Variants in KLK4 observed in about 807,000 individuals in gnomAD.
KLK4 encodes the protein kallikrein-4.
A neutral mutation model predicts 24.3 loss-of-function variants in KLK4; 24 were observed. The ratio of observed to expected loss-of-function variants is 0.99; its 90% CI spans 0.72 to 1.39. KLK4 has a LOEUF of 1.39. Among genes scored for constraint, KLK4 ranks in the 40% most tolerant of loss-of-function variants. The probability of loss-of-function intolerance (pLI) is 0.00; values close to 1 mark genes in which losing one functional copy is unlikely to be tolerated. For missense variants in KLK4, 344 were observed against 327.4 expected, an observed-to-expected ratio of 1.05 and a Z score of -0.39; for synonymous variants, 142 against 138.8, an observed-to-expected ratio of 1.02 and a Z score of -0.16.
Position 50,908,561 on chromosome 19 carries a change from A to T in KLK4, c.475+18T>A, listed in dbSNP as rs560258008. 1.1e-5 allele frequency: 18 copies of T among 1,614,186 alleles called. No homozygotes were observed. The Admixed American group carries it at 2.7e-4, about 24-fold the overall frequency. On this transcript the variant is annotated intron_variant, in intron 4 of 5. Coordinates refer to ENST00000324041, the Ensembl canonical transcript of KLK4. ...GAGGACCTCCTTGAAGAGGGCAGACACACACCCGTGAGCTCACCGTTCGCC... is the reference window on the plus strand; with the variant it reads ...GAGGACCTCCTTGAAGAGGGCAGACTCACACCCGTGAGCTCACCGTTCGCC...
rs551480541 is a variant in KLK4, at chr19:50,908,829, G to A, written c.225C>T (p.Asn75=). 15 of 1,612,014 alleles carry A rather than the reference G, an allele frequency of 9.3e-6. No individual in the cohort carries two copies. In the South Asian group the frequency reaches 1.6e-4, roughly 18 times the overall value. ...GCAGGCCCAGCCCGATGGTGTAGGAGCTGTGGGCCACGGAGGGCAGGTCAG... is the reference window on the plus strand; with the variant it reads ...GCAGGCCCAGCCCGATGGTGTAGGAACTGTGGGCCACGGAGGGCAGGTCAG... The change falls in exon 4 of 6, where the codon AAC becomes AAT. Residue 75 remains asparagine (N), a splice_region_variant and synonymous_variant. Transcript: ENST00000324041.
At position 50,911,168 on chromosome 19, in the gene KLK4, A is replaced by G. The variant is rs188556288; in HGVS notation, c.-12+171T>C. The stretch of plus-strand genomic sequence containing the variant: ...TGGAGATATAGATTCAGAGAGACAG[A>G]GAGACCCCTAACTAGAGACAGTGAC... On this transcript the variant is annotated intron_variant, in intron 1 of 5. Coordinates refer to ENST00000324041, the Ensembl canonical transcript of KLK4. Among the ~76,000 whole-genome samples the G allele has an allele frequency of 3.0e-3, 460 of 152,328 alleles. 7 individuals are homozygous for G. The highest frequency in any genetic ancestry group is 1.5e-3 in the Non-Finnish European group (99 of 68,030).
intron 5 of KLK4, 190 bp downstream of exon 5, chr19:50,908,169 T>G: frequency 2.8e-6 from 2 of 704,442 alleles, no homozygotes; most frequent in Non-Finnish European, 4.8e-6. Flanking sequence ...CTGTTTCTGT[T>G]TCTCTCTTCC....
chr19:50,909,331 C>G (rs1053171203), exon 3 of KLK4: 14 of 1,614,106 alleles, frequency 8.7e-6, no homozygotes, highest in Admixed American at 6.7e-5. Context: ...TTTTCCATGA[C>G]CAGTGCCGCC....
chr19:50,908,416 C>G, exon 5 of KLK4: 1 of 1,614,114 alleles, frequency 6.2e-7, no homozygotes, highest in Non-Finnish European at 8.5e-7. Context: ...TGGGGTGGTA[C>G]AGCGGGTCAT....
rs1185328501 is a variant in KLK4, at chr19:50,909,306, G to T, written c.170C>A (p.Ser57Ter). 1.6e-5 allele frequency: 26 copies of T among 1,614,212 alleles called. No individual in the cohort carries two copies. Among genetic ancestry groups the T allele is most frequent in the Non-Finnish European group, 2.0e-5 (24 of 1,180,036 alleles). Residue 57 changes from serine (S) to a stop codon, truncating the protein, a stop_gained, in exon 3 of 6, where the codon TCG becomes TAG. Coordinates refer to ENST00000324041, the Ensembl canonical transcript of KLK4. LOFTEE classifies it high-confidence loss of function. ...CCACTGCGGATGCACCAGGACGCCC[G>T]AGCAGAACAATTCGTTTTCCATGAC...
intron 3 of KLK4, 81 bp downstream of exon 3, chr19:50,909,171 C>G: frequency 1.1e-5 from 17 of 1,610,036 alleles, no homozygotes; most frequent in Non-Finnish European, 1.4e-5. Flanking sequence ...CTGTTTCCCC[C>G]TGAGCACCCC....
At chr19:50,909,098 GC>G in intron 3 of KLK4, 153 bp downstream of exon 3, 3 of 1,383,734 alleles carry the variant, frequency 2.2e-6, no homozygotes, top group Non-Finnish European at 2.8e-6. Flanking sequence ...CCGCCTCCCA[GC>G]CCTTCCCTCT....
chr19:50,908,239 G>C, intron 5 of KLK4, 120 bp downstream of exon 5: 2 of 1,167,442 alleles, frequency 1.7e-6, no homozygotes, highest in Non-Finnish European at 2.5e-6. Flanking sequence ...CTCTCTAGTT[G>C]TCACTGTCTC....
chr19:50,910,777 T>A lies in KLK4; in HGVS notation c.-11-28A>T. The A allele has an allele frequency of 6.5e-7, 1 of 1,533,162 alleles. No homozygotes were observed. The highest frequency in any genetic ancestry group is 8.8e-7 in the Non-Finnish European group (1 of 1,130,134). 95.0% of individuals were successfully genotyped at this position (1,533,162 alleles called of 1,614,324 possible). ...GGGGATGAGGACTGAGACTTAGCCG[T>A]GTCTGGGGATCTTCAGCCCAAGTCT... On this transcript the variant is annotated intron_variant, in intron 1 of 5. Transcript: ENST00000324041. This position sits in a 1 kb window ranked among gnomAD's most constrained non-coding sequence, Gnocchi z 4.4.
At chr19:50,907,009 T>C in exon 6 of KLK4, 1 of 1,614,154 alleles carries the variant, frequency 6.2e-7, no homozygotes. Flanking sequence ...GCACGCCAAC[T>C]TGGCCACACG....
chr19:50,908,278 G>A (rs1192078168), intron 5 of KLK4, 81 bp downstream of exon 5: 6 of 1,538,006 alleles, frequency 3.9e-6, no homozygotes, highest in East Asian at 4.5e-5. Flanking sequence ...TCTGCATCTC[G>A]CCATGCGGCC....
rs1170298954 is a variant in KLK4 at position 50,910,938 on chromosome 19, AAGAGAGAGAGAGATGGGAAAAG to A, written c.-11-211_-11-190del. On this transcript the variant is annotated intron_variant, in intron 1 of 5. Coordinates refer to ENST00000324041, the Ensembl canonical transcript of KLK4. The surrounding 1 kb of genome is among the most constrained non-coding windows in gnomAD (Gnocchi z 4.4). ...ACAGATTTAGAGACTGAGAGAGAAA[AAGAGAGAGAGAGATGGGAAAAG>A]AGAGAGAGAGAGAGAACTAGGTAGA... Among the ~76,000 whole-genome samples the A allele has an allele frequency of 8.2e-6, 1 of 122,680 alleles. No individual in the cohort carries two copies. Among genetic ancestry groups the A allele is most frequent in the Non-Finnish European group, 1.8e-5 (1 of 56,542 alleles). 80.5% of individuals were successfully genotyped at this position (122,680 alleles called of 152,430 possible). A position where few individuals can be genotyped will look rare whatever the true frequency, so the allele number is the denominator to read the frequency against.
At chr19:50,907,553 C>A (rs1473851963) in intron 5 of KLK4, among the ~76,000 whole-genome samples, 1 of 151,958 alleles carries the variant, frequency 6.6e-6, no homozygotes, top group Non-Finnish European at 1.5e-5. Flanking sequence ...ATTACAGGCG[C>A]CTGCCACCAT....
intron 2 of KLK4, 76 bp from the exon 3 acceptor site, chr19:50,909,490 G>A: frequency 4.6e-6 from 7 of 1,511,904 alleles, no homozygotes; most frequent in Non-Finnish European, 6.4e-6. Flanking sequence ...TACCGAGCAG[G>A]GGCGTGGTCA....
At chr19:50,907,199 A>G in intron 5 of KLK4, 113 bp from the exon 6 acceptor site, 1 of 1,082,842 alleles carries the variant, frequency 9.2e-7, no homozygotes. Context: ...CATCATCAAT[A>G]ACAACATAGC....
At chr19:50,908,864 A>T (rs2090460693) in intron 3 of KLK4, 35 bp from the exon 4 acceptor site, 1 of 1,605,612 alleles carries the variant, frequency 6.2e-7, no homozygotes, top group Non-Finnish European at 8.5e-7. Flanking sequence ...GTTTTGTGGC[A>T]ACTACATCCT....
rs1270304009 is a variant in KLK4 at position 50,910,496 on chromosome 19, C to A, written c.61+182G>T. On this transcript the variant is annotated intron_variant, in intron 2 of 5. Transcript: ENST00000324041. This position sits in a 1 kb window ranked among gnomAD's most constrained non-coding sequence, Gnocchi z 4.4. ...TACAACCACACACCCAGGCACACTG[C>A]CACACACAAATTTACCACGATACAA... is the stretch of plus-strand genomic sequence containing the variant. Among the ~76,000 whole-genome samples, 1 of 152,068 alleles carries A rather than the reference C, an allele frequency of 6.6e-6. No individual in the cohort carries two copies. Among genetic ancestry groups the A allele is most frequent in the Non-Finnish European group, 1.5e-5 (1 of 68,018 alleles).
intron 5 of KLK4, among the ~76,000 whole-genome samples, chr19:50,907,315 GGTCT>G (rs1332973091): frequency 2.6e-5 from 4 of 151,840 alleles, no homozygotes; most frequent in Non-Finnish European, 2.9e-5. Flanking sequence ...TTGGGCTTGT[GGTCT>G]GTCTGTTTCT....
Sources: allele counts gnomAD v4.1 joint callset (sites outside exome capture counted in the v4.1 genomes callset), GRCh38; gene constraint gnomAD v4.1.1; non-coding constraint Gnocchi (gnomAD v3.1); transcripts MANE v1.5; gene names NCBI Gene and HGNC (gene_info 2026-07-23, HGNC 2026-07-21).